TPD52: variants seen among roughly 807,000 people sequenced by gnomAD.
TPD52 encodes tumor protein D52, also known as prostate and colon associated protein.
In TPD52, 17 loss-of-function variants were observed where a neutral mutation model predicts 31.3. That is an observed-to-expected ratio of 0.54 (90% CI 0.37 to 0.82). The LOEUF (loss-of-function observed/expected upper bound fraction) is 0.82. TPD52 is among the 40% of genes least tolerant of loss of function. The pLI, the probability that TPD52 is intolerant of heterozygous loss-of-function variation, is 0.00. For missense variants in TPD52, 212 were observed against 240.1 expected, an observed-to-expected ratio of 0.88 and a Z score of 0.77; for synonymous variants, 83 against 89.6, an observed-to-expected ratio of 0.93 and a Z score of 0.42.
chr8:80,093,110 G>A (rs564002803), intron 1 of TPD52, among the ~76,000 whole-genome samples: 11 of 152,076 alleles, frequency 7.2e-5, no homozygotes, highest in African/African-American at 2.2e-4. Flanking sequence ...GGACAAAACC[G>A]GCTGTGTCAC....
chr8:80,103,696 C>T (rs565845414), intron 1 of TPD52, among the ~76,000 whole-genome samples: 7 of 152,280 alleles, frequency 4.6e-5, no homozygotes, highest in African/African-American at 1.7e-4. Flanking sequence ...CTAACACTAG[C>T]GTCAAGTTCT....
chr8:80,149,857 T>C (rs979718116), intron 1 of TPD52, among the ~76,000 whole-genome samples: 1 of 152,180 alleles, frequency 6.6e-6, no homozygotes, highest in Non-Finnish European at 1.5e-5. Context: ...AAGCAGAGTA[T>C]AAAAGTTTGG....
At chr8:80,068,341 G>A (rs1410661557) in intron 1 of TPD52, among the ~76,000 whole-genome samples, 2 of 152,172 alleles carry the variant, frequency 1.3e-5, no homozygotes, top group African/African-American at 2.4e-5. Flanking sequence ...GCTCCATCAC[G>A]AACATCTTAG....
intron 1 of TPD52, among the ~76,000 whole-genome samples, chr8:80,161,015 TCACTGCACTC>T (rs907846033): frequency 4.0e-5 from 6 of 150,820 alleles, no homozygotes; most frequent in African/African-American, 1.2e-4. Context: ...TGAGCCTCAA[TCACTGCACTC>T]CACTGCACTC....
At chr8:80,068,011 G>T (rs1324957021) in intron 1 of TPD52, among the ~76,000 whole-genome samples, 4 of 151,534 alleles carry the variant, frequency 2.6e-5, no homozygotes, top group African/African-American at 9.7e-5. Flanking sequence ...TAAAAGTATA[G>T]ATTATTGAAA....
At chr8:80,046,930 TAAGG>T (rs1362267174) in intron 5 of TPD52, among the ~76,000 whole-genome samples, 2 of 152,158 alleles carry the variant, frequency 1.3e-5, no homozygotes, top group East Asian at 3.9e-4. Flanking sequence ...AGAGGGAGGA[TAAGG>T]AAGGAAGTAG....
intron 1 of TPD52, among the ~76,000 whole-genome samples, chr8:80,128,134 A>G (rs1023885975): frequency 2.6e-5 from 4 of 152,158 alleles, no homozygotes; most frequent in African/African-American, 7.2e-5. Context: ...CAAAAGAAAC[A>G]ATTATCTCAT....
intron 1 of TPD52, among the ~76,000 whole-genome samples, chr8:80,150,633 G>A (rs901521340): frequency 6.6e-6 from 1 of 152,200 alleles, no homozygotes; most frequent in Non-Finnish European, 1.5e-5. Flanking sequence ...ACCTGGATGT[G>A]AGACATGGAG....
intron 1 of TPD52, chr8:80,127,584 C>T (rs919193391): frequency 1.3e-5 from 2 of 152,122 alleles, no homozygotes; most frequent in Non-Finnish European, 2.9e-5. Context: ...AGTAAAGCCA[C>T]CATGTGGACA....
At position 80,051,564 on chromosome 8, in the gene TPD52, C is replaced by T. The variant is rs747560761; in HGVS notation, c.349G>A (p.Val117Ile). Residue 117 changes from valine to isoleucine, a missense_variant, in exon 4 of 8, where the codon GTT (valine) becomes ATT (isoleucine). Transcript: ENST00000518937. ...AGCTTTTTGGTGATGACTGAGCCAA[C>T]AGACGAAAAAGCAGCTGAGGCCTTC... The part of the protein sequence containing the change: ...GQKASAAFSS[V>I]GSVITKKLED... The T allele has an allele frequency of 3.2e-5, 51 of 1,613,406 alleles. No homozygotes were observed. The highest frequency in any genetic ancestry group is 2.2e-4 in the Admixed American group (13 of 59,920).
At chr8:80,113,034 G>A (rs866818396) in intron 1 of TPD52, among the ~76,000 whole-genome samples, 2 of 151,996 alleles carry the variant, frequency 1.3e-5, no homozygotes, top group Non-Finnish European at 2.9e-5. Flanking sequence ...AAGTTTTGAC[G>A]GCAACCTGTC....
chr8:80,094,056 A>G lies in TPD52; in HGVS notation c.20-29463T>C, dbSNP rs150446798. 4.3e-4 allele frequency among the ~76,000 whole-genome samples: 65 copies of G among 152,290 alleles called. 1 individual carries two copies. The highest frequency in any genetic ancestry group is 1.6e-3 in the African/African-American group (65 of 41,578). ...TGAAGGCTCCTTGTTGACTTTTCTCAGAGTTTTATAAAACATCGCTATCAA... is the reference window on the plus strand; with the variant it reads ...TGAAGGCTCCTTGTTGACTTTTCTCGGAGTTTTATAAAACATCGCTATCAA... On this transcript the variant is annotated intron_variant, in intron 1 of 7. Transcript: ENST00000518937.
intron 1 of TPD52, among the ~76,000 whole-genome samples, chr8:80,102,304 C>T (rs1317560570): frequency 2.6e-5 from 4 of 152,196 alleles, no homozygotes; most frequent in African/African-American, 7.2e-5. Flanking sequence ...ACTGAGGAGC[C>T]TTTTTCTCCT....
intron 1 of TPD52, among the ~76,000 whole-genome samples, chr8:80,102,156 C>A (rs1445980271): frequency 6.6e-6 from 1 of 152,224 alleles, no homozygotes; most frequent in Non-Finnish European, 1.5e-5. Context: ...TTCTGAAGGT[C>A]AGGCATGAGG....
At chr8:80,135,041 TAC>T (rs879913510) in intron 1 of TPD52, among the ~76,000 whole-genome samples, 2,051 of 152,230 alleles carry the variant, frequency 0.013, 20 homozygotes, top group Middle Eastern at 0.02. Context: ...CCAGGAGACG[TAC>T]GCAAGTGCAG....
In TPD52 at chr8:80,036,252, T is replaced by C. The variant is rs1277244051; in HGVS notation, c.*1864A>G. On this transcript the variant is annotated 3_prime_UTR_variant, in exon 8 of 8. Transcript: ENST00000518937. Reference sequence around the variant, plus strand: ...TACTCCATTTTGCCTTGTTGAAAAGTTAGTAGCAGGGCAGGATGCTCAAGA... The same window carrying C: ...TACTCCATTTTGCCTTGTTGAAAAGCTAGTAGCAGGGCAGGATGCTCAAGA... The C allele has an allele frequency of 6.6e-6, 1 of 152,570 alleles. No individual in the cohort carries two copies. Among genetic ancestry groups the C allele is most frequent in the Non-Finnish European group, 1.5e-5 (1 of 68,036 alleles). The allele number at this position is 152,570 out of a possible 1,614,324, so 9.5% of individuals were successfully genotyped here.
intron 1 of TPD52, among the ~76,000 whole-genome samples, chr8:80,111,725 G>C (rs1807508722): frequency 6.6e-6 from 1 of 152,166 alleles, no homozygotes; most frequent in Non-Finnish European, 1.5e-5. Context: ...TAAAAAGGTT[G>C]AATAACTAGA....
chr8:80,079,818 T>C (rs1586251503), intron 1 of TPD52, among the ~76,000 whole-genome samples: 1 of 68,332 alleles, frequency 1.5e-5, no homozygotes, highest in South Asian at 4.9e-4. Context: ...TTTCTAGTTT[T>C]TCTTTAAAAA....
At chr8:80,106,174 G>T (rs764037152) in intron 1 of TPD52, among the ~76,000 whole-genome samples, 5 of 152,052 alleles carry the variant, frequency 3.3e-5, no homozygotes, top group Non-Finnish European at 7.4e-5. Context: ...ATACAGGCAT[G>T]CAATGCATAA....
Sources: allele counts gnomAD v4.1 joint callset (sites outside exome capture counted in the v4.1 genomes callset), GRCh38; gene constraint gnomAD v4.1.1; transcripts MANE v1.5; gene names NCBI Gene and HGNC (gene_info 2026-07-23, HGNC 2026-07-21).